GRXCR1: variants seen among roughly 807,000 people sequenced by gnomAD.
The protein encoded by GRXCR1 is glutaredoxin and cysteine rich domain containing 1, also known as glutaredoxin domain-containing cysteine-rich protein 1.
Under a neutral mutation model 27.3 loss-of-function variants are expected in GRXCR1, and 27 were observed. That is an observed-to-expected ratio of 0.99 (90% CI 0.73 to 1.37). The LOEUF (loss-of-function observed/expected upper bound fraction) is 1.37, where lower values mean the gene tolerates loss of function less well. Ranked by LOEUF, GRXCR1 falls within the 40% of genes most tolerant of loss-of-function variation. The probability of loss-of-function intolerance (pLI) is 0.00; values close to 1 mark genes in which losing one functional copy is unlikely to be tolerated. For synonymous variants in GRXCR1, 122 were observed against 131.1 expected (o/e 0.93, Z 0.47); for missense variants, 379 against 354.4 (o/e 1.07, Z -0.56).
chr4:42,965,454 A>T (rs891844888), intron 2 of GRXCR1, among the ~76,000 whole-genome samples: 2 of 152,066 alleles, frequency 1.3e-5, no homozygotes, highest in African/African-American at 4.8e-5. Context: ...TTTAAATTGC[A>T]ATGCACGATT....
chr4:42,928,937 G>A (rs1367045917), intron 1 of GRXCR1, among the ~76,000 whole-genome samples: 3 of 152,006 alleles, frequency 2.0e-5, no homozygotes, highest in East Asian at 3.9e-4. Context: ...GCCTAGCCAT[G>A]GAAGGGCACT....
At chr4:43,008,669 G>T (rs1005979557) in intron 2 of GRXCR1, among the ~76,000 whole-genome samples, 1 of 152,004 alleles carries the variant, frequency 6.6e-6, no homozygotes, top group Non-Finnish European at 1.5e-5. Flanking sequence ...ATCCCTAAGA[G>T]GTAGATATAA....
intron 2 of GRXCR1, among the ~76,000 whole-genome samples, chr4:42,983,408 G>T (rs1166192003): frequency 2.0e-5 from 3 of 151,026 alleles, no homozygotes; most frequent in African/African-American, 7.3e-5. Context: ...CTGTTCCATT[G>T]ATCTATATCT....
chr4:42,905,470 C>T (rs1316132690), intron 1 of GRXCR1, among the ~76,000 whole-genome samples: 2 of 152,204 alleles, frequency 1.3e-5, no homozygotes, highest in Non-Finnish European at 2.9e-5. Flanking sequence ...GACTGCTAGA[C>T]ATGGCTGAAA....
At chr4:42,997,795 G>A (rs2109794572) in intron 2 of GRXCR1, among the ~76,000 whole-genome samples, 1 of 152,176 alleles carries the variant, frequency 6.6e-6, no homozygotes, top group Non-Finnish European at 1.5e-5. Context: ...CCACAATAAA[G>A]GCCCCTGCCC....
At chr4:42,901,217 AC>A (rs1324455520) in intron 1 of GRXCR1, among the ~76,000 whole-genome samples, 1 of 152,102 alleles carries the variant, frequency 6.6e-6, no homozygotes, top group African/African-American at 2.4e-5. Flanking sequence ...ATTACTACTC[AC>A]CCGGTGTATT....
rs1369530757 is a variant in GRXCR1, at chr4:43,014,128, C to A, written c.628-6226C>A. On this transcript the variant is annotated intron_variant, in intron 2 of 3. Coordinates refer to ENST00000399770, the MANE Select transcript of GRXCR1 (RefSeq NM_001080476.3). ...TCTTCCTGCCAGGGATACAGAAAAA[C>A]CACGCTCTTTAGGATGAGATTATCC... 4.0e-5 allele frequency among the ~76,000 whole-genome samples: 6 copies of A among 150,942 alleles called. No homozygotes were observed. In the East Asian group the frequency reaches 1.2e-3, roughly 29 times the overall value.
chr4:42,971,198 T>G (rs1392106593), intron 2 of GRXCR1, among the ~76,000 whole-genome samples: 1 of 152,142 alleles, frequency 6.6e-6, no homozygotes, highest in Non-Finnish European at 1.5e-5. Context: ...AACATTTTGG[T>G]CAAGTCCATT....
intron 3 of GRXCR1, among the ~76,000 whole-genome samples, chr4:43,025,028 C>G (rs1160221819): frequency 2.6e-5 from 4 of 152,148 alleles, no homozygotes; most frequent in Admixed American, 1.3e-4. Flanking sequence ...ATAAGAGCTT[C>G]ATTTCCTGAT....
At chr4:42,954,107 A>T (rs1050980541) in intron 1 of GRXCR1, among the ~76,000 whole-genome samples, 2 of 152,144 alleles carry the variant, frequency 1.3e-5, no homozygotes, top group African/African-American at 4.8e-5. Flanking sequence ...CTAATGAAAA[A>T]AACTAAGTCC....
At chr4:43,008,248 G>T (rs1712628303) in intron 2 of GRXCR1, among the ~76,000 whole-genome samples, 2 of 152,064 alleles carry the variant, frequency 1.3e-5, no homozygotes, top group South Asian at 4.1e-4. Context: ...TCATTGCATG[G>T]ATAGGTTTTC....
intron 2 of GRXCR1, among the ~76,000 whole-genome samples, chr4:42,987,236 TATATAA>T (rs1299140678): frequency 1.4e-5 from 1 of 70,802 alleles, no homozygotes; most frequent in African/African-American, 4.6e-5. Context: ...ATATTATATA[TATATAA>T]TATATAATAT....
At chr4:42,932,274 G>T (rs570958633) in intron 1 of GRXCR1, among the ~76,000 whole-genome samples, 12 of 151,758 alleles carry the variant, frequency 7.9e-5, no homozygotes, top group African/African-American at 2.9e-4. Flanking sequence ...AGGCCTGTGC[G>T]GATTCCTTCC....
At chr4:42,899,569 T>A (rs1422791723) in intron 1 of GRXCR1, among the ~76,000 whole-genome samples, 1 of 152,162 alleles carries the variant, frequency 6.6e-6, no homozygotes. Context: ...TTATTTTGGA[T>A]CTTTTTCTTT....
chr4:42,958,650 C>A (rs527820218), intron 1 of GRXCR1, among the ~76,000 whole-genome samples: 1 of 151,912 alleles, frequency 6.6e-6, no homozygotes, highest in Non-Finnish European at 1.5e-5. Flanking sequence ...GGAAAATATT[C>A]GTGAGCCATA....
chr4:42,898,993 A>G (rs1746409015), intron 1 of GRXCR1, among the ~76,000 whole-genome samples: 2 of 152,104 alleles, frequency 1.3e-5, no homozygotes, highest in South Asian at 4.1e-4. Context: ...TACTACTGAT[A>G]TTTATGCACA....
intron 2 of GRXCR1, among the ~76,000 whole-genome samples, chr4:42,987,498 G>A (rs2109789270): frequency 6.6e-6 from 1 of 151,730 alleles, no homozygotes; most frequent in East Asian, 1.9e-4. Context: ...GCCCAGGCTG[G>A]TCTTGAAATC....
intron 2 of GRXCR1, among the ~76,000 whole-genome samples, chr4:43,012,792 A>C (rs1012870719): frequency 2.0e-5 from 3 of 152,116 alleles, no homozygotes; most frequent in African/African-American, 7.2e-5. Flanking sequence ...TTCTTTTTTA[A>C]AAAAAACCTT....
intron 2 of GRXCR1, among the ~76,000 whole-genome samples, chr4:42,990,483 T>C (rs1156532117): frequency 1.3e-5 from 2 of 152,056 alleles, no homozygotes; most frequent in African/African-American, 2.4e-5. Flanking sequence ...TATGTTTTCC[T>C]AAGGAATCAA....
Sources: allele counts gnomAD v4.1 joint callset (sites outside exome capture counted in the v4.1 genomes callset), GRCh38; gene constraint gnomAD v4.1.1; transcripts MANE v1.5; gene names NCBI Gene and HGNC (gene_info 2026-07-23, HGNC 2026-07-21).